The following GAS1 variants were observed in gnomAD, a reference collection of about 807,000 sequenced individuals.
GAS1 encodes growth arrest-specific protein 1.
A neutral mutation model predicts 21.6 loss-of-function variants in GAS1; 10 were observed. The ratio of observed to expected loss-of-function variants is 0.46; its 90% CI spans 0.29 to 0.79. GAS1 has a LOEUF of 0.79. GAS1 is among the 30% of genes least tolerant of loss of function. The probability of loss-of-function intolerance (pLI) is 0.10; values close to 1 mark genes in which losing one functional copy is unlikely to be tolerated. For synonymous variants in GAS1, 332 were observed against 264.0 expected (o/e 1.26, Z -2.50); for missense variants, 567 against 544.3 (o/e 1.04, Z -0.42).
Position 86,945,840 on chromosome 9 carries a change from C to G in GAS1, c.940G>C (p.Gly314Arg), listed in dbSNP as rs1825477490. The G allele has an allele frequency of 1.3e-6, 2 of 1,512,498 alleles. No individual in the cohort carries two copies. The highest frequency in any genetic ancestry group is 2.5e-5 in the South Asian group (2 of 79,972). The allele number at this position is 1,512,498 out of a possible 1,614,324, so 93.7% of individuals were successfully genotyped here. A position where few individuals can be genotyped will look rare whatever the true frequency, so the allele number is the denominator to read the frequency against. The change falls in exon 1 of 1, where the codon GGG (glycine) becomes CGG (arginine). Residue 314 changes from glycine to arginine, a missense_variant. Physicochemically the swap from Gly to Arg is moderately radical, Grantham distance 125. Coordinates refer to ENST00000298743, the MANE Select transcript of GAS1 (RefSeq NM_002048.3). ...GGRGDLPYGP[G>R]RRSSGGGGRL... Reference sequence around the variant, plus strand: ...CCGCCGCCGCCGCTGCTCCTGCGCCCAGGCCCATAGGGCAGGTCCCCGCGG... The same window carrying G: ...CCGCCGCCGCCGCTGCTCCTGCGCCGAGGCCCATAGGGCAGGTCCCCGCGG...
chr9:86,946,308 GGCCGCCCGCGCCGCC>G lies in GAS1; in HGVS notation c.457_471del (p.Gly153_Gly157del). The G allele has an allele frequency of 1.4e-6, 2 of 1,406,684 alleles. No individual in the cohort carries two copies. The highest frequency in any genetic ancestry group is 1.5e-5 in the South Asian group (1 of 65,200). 87.1% of individuals were successfully genotyped at this position (1,406,684 alleles called of 1,614,324 possible). A position where few individuals can be genotyped will look rare whatever the true frequency, so the allele number is the denominator to read the frequency against. ...CAGCCCATGACCCCGCCCGCGCCGG[GGCCGCCCGCGCCGCC>G]GCCGCTCGTCCGGGGCAGGCACGGC... On this transcript the variant is annotated inframe_deletion, in exon 1 of 1. Transcript: ENST00000298743. The surrounding 1 kb of genome is among the most constrained non-coding windows in gnomAD (Gnocchi z 5.2).
rs562294652 is a variant in GAS1 at position 86,946,105 on chromosome 9, G to A, written c.675C>T (p.Asp225=). 8.7e-6 allele frequency: 14 copies of A among 1,608,612 alleles called. No individual in the cohort carries two copies. In the South Asian group the frequency reaches 1.2e-4, roughly 14 times the overall value. ...KAALLNDCVC[D]GLERPICESV... ...ACTCGCAGATGGGCCGCTCGAGGCC[G>A]TCGCACACGCAGTCGTTGAGCAGCG... is the stretch of plus-strand genomic sequence containing the variant. The change falls in exon 1 of 1, where the codon GAC becomes GAT. Residue 225 remains aspartate (D), a synonymous_variant. Coordinates refer to ENST00000298743, the MANE Select transcript of GAS1 (RefSeq NM_002048.3). This position sits in a 1 kb window ranked among gnomAD's most constrained non-coding sequence, Gnocchi z 5.2.
rs1260544074 is a variant in GAS1 at position 86,946,575 on chromosome 9, C to A, written c.205G>T (p.Ala69Ser). 4.2e-6 allele frequency: 6 copies of A among 1,418,314 alleles called. No homozygotes were observed. The highest frequency in any genetic ancestry group is 5.5e-6 in the Non-Finnish European group (6 of 1,088,070). The allele number at this position is 1,418,314 out of a possible 1,614,324, so 87.9% of individuals were successfully genotyped here. A position where few individuals can be genotyped will look rare whatever the true frequency, so the allele number is the denominator to read the frequency against. ...GCCAGCACCGGCGCGCACGCCTCGGCGTACTGGTTGTAGGCGTAGCTGCAC... is the reference window on the plus strand; with the variant it reads ...GCCAGCACCGGCGCGCACGCCTCGGAGTACTGGTTGTAGGCGTAGCTGCAC... ...PECSYAYNQYAEACAPVLAQH... is the reference protein window; with the variant it reads ...PECSYAYNQYSEACAPVLAQH... The change falls in exon 1 of 1, where the codon GCC (alanine) becomes TCC (serine). Residue 69 changes from alanine to serine, a missense_variant. Ala to Ser is a moderately conservative substitution (Grantham distance 99). Coordinates refer to ENST00000298743, the MANE Select transcript of GAS1 (RefSeq NM_002048.3). This position sits in a 1 kb window ranked among gnomAD's most constrained non-coding sequence, Gnocchi z 5.2.
chr9:86,945,971 T>A lies in GAS1; in HGVS notation c.809A>T (p.Asp270Val). 1 of 1,606,124 alleles carries A rather than the reference T, an allele frequency of 6.2e-7. No homozygotes were observed. Among genetic ancestry groups the A allele is most frequent in the Non-Finnish European group, 8.5e-7 (1 of 1,178,384 alleles). ...CGCGCCCCCGGTGCGCTGCTCGTCA[T>A]CGTAGTCCTCATCGTAGTAGTCGTC... Reference protein sequence around the residue: ...GLDDYYDEDYDDEQRTGGAGG... With the variant: ...GLDDYYDEDYVDEQRTGGAGG... The change falls in exon 1 of 1, where the codon GAT becomes GTT. Residue 270 changes from aspartate (D) to valine (V), a missense_variant. By Grantham distance (152) the Asp-to-Val change is radical (BLOSUM62 -3). Coordinates refer to ENST00000298743, the MANE Select transcript of GAS1 (RefSeq NM_002048.3).
At position 86,946,107 on chromosome 9, in the gene GAS1, C is replaced by A; in HGVS notation, c.673G>T (p.Asp225Tyr). Reference protein sequence around the residue: ...KAALLNDCVCDGLERPICESV... With the variant: ...KAALLNDCVCYGLERPICESV... The stretch of plus-strand genomic sequence containing the variant: ...TCGCAGATGGGCCGCTCGAGGCCGT[C>A]GCACACGCAGTCGTTGAGCAGCGCC... The change falls in exon 1 of 1, where the codon GAC becomes TAC. Residue 225 changes from aspartate (D) to tyrosine (Y), a missense_variant. Coordinates refer to ENST00000298743, the MANE Select transcript of GAS1 (RefSeq NM_002048.3). The surrounding 1 kb of genome is among the most constrained non-coding windows in gnomAD (Gnocchi z 5.2). The A allele has an allele frequency of 3.1e-6, 5 of 1,608,838 alleles. No homozygotes were observed. The highest frequency in any genetic ancestry group is 4.2e-6 in the Non-Finnish European group (5 of 1,179,652).
rs1418656911 is a variant in GAS1 at position 86,946,641 on chromosome 9, T to G, written c.139A>C (p.Ile47Leu). ...CACTGCAGCAGCGCCTGCCAGCAGA[T>G]GAGGCGGCGGCCGTGCGCCAGCCCC... ...GSGLAHGRRL[I>L]CWQALLQCQG... Residue 47 changes from isoleucine (I) to leucine (L), a missense_variant, in exon 1 of 1, where the codon ATC becomes CTC. Transcript: ENST00000298743. This position sits in a 1 kb window ranked among gnomAD's most constrained non-coding sequence, Gnocchi z 5.2. 4.8e-6 allele frequency: 7 copies of G among 1,447,798 alleles called. No individual in the cohort carries two copies. The highest frequency in any genetic ancestry group is 3.1e-5 in the East Asian group (1 of 32,516). The allele number at this position is 1,447,798 out of a possible 1,614,324, so 89.7% of individuals were successfully genotyped here.
chr9:86,947,026 C>T lies in GAS1; in HGVS notation c.-247G>A, dbSNP rs910100536. On this transcript the variant is annotated 5_prime_UTR_variant, in exon 1 of 1. Coordinates refer to ENST00000298743, the MANE Select transcript of GAS1 (RefSeq NM_002048.3). ...TGGTCCCGCTCTCCCACCCGAGAGC[C>T]CTCCGCTCGGCCCCCGGTGGTGGCG... 30 of 285,248 alleles carry T rather than the reference C, an allele frequency of 1.1e-4. No individual in the cohort carries two copies. Among genetic ancestry groups the T allele is most frequent in the African/African-American group, 6.7e-4 (30 of 44,622 alleles). 17.7% of individuals were successfully genotyped at this position (285,248 alleles called of 1,614,324 possible).
rs1825478389 is a variant in GAS1 at position 86,945,865 on chromosome 9, G to A, written c.915C>T (p.Gly305=). 3 of 1,476,770 alleles carry A rather than the reference G, an allele frequency of 2.0e-6. No individual in the cohort carries two copies. The highest frequency in any genetic ancestry group is 1.4e-5 in the South Asian group (1 of 72,644). 91.5% of individuals were successfully genotyped at this position (1,476,770 alleles called of 1,614,324 possible). A position where few individuals can be genotyped will look rare whatever the true frequency, so the allele number is the denominator to read the frequency against. The change falls in exon 1 of 1, where the codon GGC becomes GGT. Residue 305 remains glycine, a synonymous_variant. Coordinates refer to ENST00000298743, the MANE Select transcript of GAS1 (RefSeq NM_002048.3). ...RPGSGAAASG[G]RGDLPYGPGR... The stretch of plus-strand genomic sequence containing the variant: ...CAGGCCCATAGGGCAGGTCCCCGCG[G>A]CCGCCCGATGCAGCAGCGCCGCTGC...
chr9:86,947,480 C>G lies in GAS1; in HGVS notation c.-701G>C, dbSNP rs941890701. On this transcript the variant is annotated 5_prime_UTR_variant, in exon 1 of 1. Coordinates refer to ENST00000298743, the MANE Select transcript of GAS1 (RefSeq NM_002048.3). ...GCAGCTTCTCGGGTGACCAAGAGCC[C>G]GGGGAGCGGATCCGCTGAGCCCGGC... is the stretch of plus-strand genomic sequence containing the variant. Among the ~76,000 whole-genome samples, 1 of 152,284 alleles carries G rather than the reference C, an allele frequency of 6.6e-6. No individual in the cohort carries two copies. The highest frequency in any genetic ancestry group is 1.9e-4 in the East Asian group (1 of 5,148).
rs951450263 is a variant in GAS1 at position 86,946,123 on chromosome 9, G to A, written c.657C>T (p.Leu219=). The part of the protein sequence containing the change: ...DMLAMPKAAL[L]NDCVCDGLER... ...CGAGGCCGTCGCACACGCAGTCGTT[G>A]AGCAGCGCCGCCTTGGGCATAGCCA... The change falls in exon 1 of 1, where the codon CTC becomes CTT. Residue 219 remains leucine (L), a synonymous_variant. Coordinates refer to ENST00000298743, the MANE Select transcript of GAS1 (RefSeq NM_002048.3). The surrounding 1 kb of genome is among the most constrained non-coding windows in gnomAD (Gnocchi z 5.2). 6.2e-7 allele frequency: 1 copy of A among 1,609,028 alleles called. No homozygotes were observed. The highest frequency in any genetic ancestry group is 8.5e-7 in the Non-Finnish European group (1 of 1,179,654).
Position 86,946,771 on chromosome 9 carries a change from G to A in GAS1, c.9C>T (p.Ala3=). The change falls in exon 1 of 1, where the codon GCC becomes GCT. Residue 3 remains alanine, a synonymous_variant. Transcript: ENST00000298743. The surrounding 1 kb of genome is among the most constrained non-coding windows in gnomAD (Gnocchi z 5.2). MV[A]ALLGGGGEAR... ...CCTCGCCGCCGCCGCCCAGCAGCGC[G>A]GCCACCATCGCGGGCAGCGGCGGCC... 3.7e-6 allele frequency: 4 copies of A among 1,072,472 alleles called. No individual in the cohort carries two copies. Among genetic ancestry groups the A allele is most frequent in the Admixed American group, 3.8e-5 (1 of 26,296 alleles). The allele number at this position is 1,072,472 out of a possible 1,614,324, so 66.4% of individuals were successfully genotyped here.
chr9:86,946,073 T>C lies in GAS1; in HGVS notation c.707A>G (p.Lys236Arg), dbSNP rs1023579473. 2.5e-6 allele frequency: 4 copies of C among 1,607,626 alleles called. No individual in the cohort carries two copies. In the African/African-American group the frequency reaches 5.3e-5, roughly 21 times the overall value. The change falls in exon 1 of 1, where the codon AAG (lysine) becomes AGG (arginine). Residue 236 changes from lysine (K) to arginine (R), a missense_variant. Physicochemically the swap from Lys to Arg is conservative, Grantham distance 26. Coordinates refer to ENST00000298743, the MANE Select transcript of GAS1 (RefSeq NM_002048.3). The surrounding 1 kb of genome is among the most constrained non-coding windows in gnomAD (Gnocchi z 5.2). ...GAAGCACAGGCGGGCCATGTTCTCC[T>C]TGACCGACTCGCAGATGGGCCGCTC... ...GLERPICESV[K>R]ENMARLCFGA...
chr9:86,946,662 GC>G lies in GAS1; in HGVS notation c.117del (p.Leu40TrpfsTer144). ...QLLGSAPRGS[G>X]LAHGRRLICW... ...CAGATGAGGCGGCGGCCGTGCGCCAGCCCCGATCCCCGCGGCGCCGAGCCCA... is the reference window on the plus strand; with the variant it reads ...CAGATGAGGCGGCGGCCGTGCGCCAGCCCGATCCCCGCGGCGCCGAGCCCA... On this transcript the variant is annotated frameshift_variant, in exon 1 of 1. Coordinates refer to ENST00000298743, the MANE Select transcript of GAS1 (RefSeq NM_002048.3). LOFTEE classifies it high-confidence loss of function. The surrounding 1 kb of genome is among the most constrained non-coding windows in gnomAD (Gnocchi z 5.2). 7.0e-7 allele frequency: 1 copy of G among 1,437,684 alleles called. No homozygotes were observed. The highest frequency in any genetic ancestry group is 9.1e-7 in the Non-Finnish European group (1 of 1,096,330). The allele number at this position is 1,437,684 out of a possible 1,614,324, so 89.1% of individuals were successfully genotyped here.
rs780228522 is a variant in GAS1, at chr9:86,946,507, A to AGCG, written c.270_272dup (p.Ala91dup). 4.8e-5 allele frequency: 69 copies of AGCG among 1,439,500 alleles called. No individual in the cohort carries two copies. Among genetic ancestry groups the AGCG allele is most frequent in the South Asian group, 3.8e-4 (28 of 74,382 alleles). 89.2% of individuals were successfully genotyped at this position (1,439,500 alleles called of 1,614,324 possible). On this transcript the variant is annotated inframe_insertion, in exon 1 of 1. Coordinates refer to ENST00000298743, the MANE Select transcript of GAS1 (RefSeq NM_002048.3). The surrounding 1 kb of genome is among the most constrained non-coding windows in gnomAD (Gnocchi z 5.2). The stretch of plus-strand genomic sequence containing the variant: ...AGAAAGAGGCGGCCGAGGCCGGGAA[A>AGCG]GCGGCGGCGGCGGCCCCGGGCGCGT...
Position 86,946,421 on chromosome 9 carries a change from C to T in GAS1, c.359G>A (p.Arg120His). Reference sequence around the variant, plus strand: ...ACAGTCCTCCAGGGCGGGCCCGCGGCGCGTGTGGTTGAGCTGAATGAGGGC... The same window carrying T: ...ACAGTCCTCCAGGGCGGGCCCGCGGTGCGTGTGGTTGAGCTGAATGAGGGC... Reference protein sequence around the residue: ...ISALIQLNHTRRGPALEDCDC... With the variant: ...ISALIQLNHTHRGPALEDCDC... Residue 120 changes from arginine (R) to histidine (H), a missense_variant, in exon 1 of 1, where the codon CGC becomes CAC. Physicochemically the swap from Arg to His is conservative, Grantham distance 29. Transcript: ENST00000298743. The surrounding 1 kb of genome is among the most constrained non-coding windows in gnomAD (Gnocchi z 5.2). 4.0e-6 allele frequency: 6 copies of T among 1,489,178 alleles called. No individual in the cohort carries two copies. Among genetic ancestry groups the T allele is most frequent in the Non-Finnish European group, 5.3e-6 (6 of 1,123,840 alleles). The allele number at this position is 1,489,178 out of a possible 1,614,324, so 92.2% of individuals were successfully genotyped here.
Position 86,947,006 on chromosome 9 carries a change from C to T in GAS1, c.-227G>A, listed in dbSNP as rs1262009170. Reference sequence around the variant, plus strand: ...AATGAACAGCTGTCGAGATCTGGTCCCGCTCTCCCACCCGAGAGCCCTCCG... The same window carrying T: ...AATGAACAGCTGTCGAGATCTGGTCTCGCTCTCCCACCCGAGAGCCCTCCG... On this transcript the variant is annotated 5_prime_UTR_variant, in exon 1 of 1. Transcript: ENST00000298743. 5 of 304,434 alleles carry T rather than the reference C, an allele frequency of 1.6e-5. No homozygotes were observed. The highest frequency in any genetic ancestry group is 2.2e-5 in the African/African-American group (1 of 44,916). The allele number at this position is 304,434 out of a possible 1,614,324, so 18.9% of individuals were successfully genotyped here. A position where few individuals can be genotyped will look rare whatever the true frequency, so the allele number is the denominator to read the frequency against.
chr9:86,945,709 C>T lies in GAS1; in HGVS notation c.*33G>A, dbSNP rs1329369276. 1.4e-5 allele frequency: 21 copies of T among 1,518,540 alleles called. No homozygotes were observed. Among genetic ancestry groups the T allele is most frequent in the Non-Finnish European group, 1.8e-5 (20 of 1,132,870 alleles). 94.1% of individuals were successfully genotyped at this position (1,518,540 alleles called of 1,614,324 possible). ...GGCGAGCACGGGAGTGGGACGCGGG[C>T]TCTCCCGCAGCCAACGGCGGGGGGC... On this transcript the variant is annotated 3_prime_UTR_variant, in exon 1 of 1. Transcript: ENST00000298743.
At position 86,946,590 on chromosome 9, in the gene GAS1, C is replaced by A; in HGVS notation, c.190G>T (p.Ala64Ser). 8.3e-6 allele frequency: 12 copies of A among 1,444,554 alleles called. No individual in the cohort carries two copies. Among genetic ancestry groups the A allele is most frequent in the Non-Finnish European group, 1.1e-5 (12 of 1,101,276 alleles). The allele number at this position is 1,444,554 out of a possible 1,614,324, so 89.5% of individuals were successfully genotyped here. A position where few individuals can be genotyped will look rare whatever the true frequency, so the allele number is the denominator to read the frequency against. The change falls in exon 1 of 1, where the codon GCC (alanine) becomes TCC (serine). Residue 64 changes from alanine to serine, a missense_variant. Coordinates refer to ENST00000298743, the MANE Select transcript of GAS1 (RefSeq NM_002048.3). This position sits in a 1 kb window ranked among gnomAD's most constrained non-coding sequence, Gnocchi z 5.2. ...CACGCCTCGGCGTACTGGTTGTAGG[C>A]GTAGCTGCACTCCGGCTCCCCCTGG... ...QCQGEPECSY[A>S]YNQYAEACAP...
In GAS1 at chr9:86,944,389, T is replaced by C. The variant is rs1348928757; in HGVS notation, c.*1353A>G. 1 of 152,186 alleles carries C rather than the reference T, an allele frequency of 6.6e-6. No homozygotes were observed. Among genetic ancestry groups the C allele is most frequent in the Non-Finnish European group, 1.5e-5 (1 of 68,044 alleles). The allele number at this position is 152,186 out of a possible 1,614,324, so 9.4% of individuals were successfully genotyped here. A position where few individuals can be genotyped will look rare whatever the true frequency, so the allele number is the denominator to read the frequency against. ...CATTGTTTAAAACTCTTTACTGATGTACATGTTTTAATAAAACAAATAACC... is the reference window on the plus strand; with the variant it reads ...CATTGTTTAAAACTCTTTACTGATGCACATGTTTTAATAAAACAAATAACC... On this transcript the variant is annotated 3_prime_UTR_variant, in exon 1 of 1. Transcript: ENST00000298743.
Sources: allele counts gnomAD v4.1 joint callset (sites outside exome capture counted in the v4.1 genomes callset), GRCh38; gene constraint gnomAD v4.1.1; non-coding constraint Gnocchi (gnomAD v3.1); transcripts MANE v1.5; gene names NCBI Gene and HGNC (gene_info 2026-07-23, HGNC 2026-07-21).